PDS5B: variants seen among roughly 807,000 people sequenced by gnomAD.
The protein encoded by PDS5B is PDS5 cohesin associated factor B, also known as sister chromatid cohesion protein PDS5 homolog B.
PDS5B carries 51 observed loss-of-function variants against 184.1 expected under a neutral mutation model. The ratio of observed to expected loss-of-function variants is 0.28; its 90% CI spans 0.22 to 0.35. The LOEUF (loss-of-function observed/expected upper bound fraction) is 0.35, where lower values mean the gene tolerates loss of function less well. Ranked by LOEUF, PDS5B falls within the 10% of genes least tolerant of loss-of-function variation. The pLI is 1.00. For missense variants in PDS5B, 1,180 were observed against 1,723.3 expected, an observed-to-expected ratio of 0.68 and a Z score of 5.58; for synonymous variants, 566 against 569.2, an observed-to-expected ratio of 0.99 and a Z score of 0.08.
At position 32,605,211 on chromosome 13, in the gene PDS5B, C is replaced by T. The variant is rs538075243; in HGVS notation, c.-20+18618C>T. 4.6e-5 allele frequency among the ~76,000 whole-genome samples: 7 copies of T among 152,254 alleles called. No individual in the cohort carries two copies. In the South Asian group the frequency reaches 1.4e-3, roughly 32 times the overall value. ...GCTTTCTCTTTTATAGCATTTAGTG[C>T]TATAAATTTCCCGCTACACCCTGCT... On this transcript the variant is annotated intron_variant, in intron 1 of 34. Coordinates refer to ENST00000315596, the MANE Select transcript of PDS5B (RefSeq NM_015032.4).
intron 19 of PDS5B, among the ~76,000 whole-genome samples, chr13:32,724,615 T>C (rs1183856356): frequency 6.6e-6 from 1 of 152,146 alleles, no homozygotes; most frequent in Non-Finnish European, 1.5e-5. Flanking sequence ...AGGGTCTTGC[T>C]CTGTTGCCCA....
At chr13:32,589,308 A>G (rs920286596) in intron 1 of PDS5B, among the ~76,000 whole-genome samples, 2 of 152,138 alleles carry the variant, frequency 1.3e-5, no homozygotes, top group African/African-American at 4.8e-5. Context: ...ATTTAGCAAT[A>G]TTTATTAATA....
chr13:32,762,741 C>G (rs1001838425), intron 30 of PDS5B, among the ~76,000 whole-genome samples: 22 of 152,164 alleles, frequency 1.4e-4, no homozygotes, highest in Middle Eastern at 3.4e-3. Context: ...TTGTACTTCT[C>G]TTTTTACTGT....
intron 3 of PDS5B, among the ~76,000 whole-genome samples, chr13:32,657,700 A>C (rs570780895): frequency 6.6e-6 from 1 of 152,174 alleles, no homozygotes; most frequent in Admixed American, 6.5e-5. Flanking sequence ...AAAATATGAG[A>C]TGGGAATAGA....
chr13:32,592,476 C>G (rs1416808253), intron 1 of PDS5B, among the ~76,000 whole-genome samples: 1 of 139,216 alleles, frequency 7.2e-6, no homozygotes, highest in Non-Finnish European at 1.7e-5. Context: ...AGGCTGGTCT[C>G]GAACTCCTGG....
rs1249791981 is a variant in PDS5B at position 32,684,093 on chromosome 13, TATATTTAAATATAC to T, written c.1203+84_1203+97del. The T allele has an allele frequency of 4.7e-5, 33 of 704,538 alleles. 1 individual carries two copies. In the South Asian group the frequency reaches 9.9e-4, roughly 21 times the overall value. 43.6% of individuals were successfully genotyped at this position (704,538 alleles called of 1,614,324 possible). On this transcript the variant is annotated intron_variant, in intron 11 of 34. Coordinates refer to ENST00000315596, the MANE Select transcript of PDS5B (RefSeq NM_015032.4). ...CTTGAAGTTTAACAATATTTGAAAA[TATATTTAAATATAC>T]ATATTTAAATATAATTAGCCTTTTT... is the stretch of plus-strand genomic sequence containing the variant.
At chr13:32,635,592 T>C (rs1198517843) in intron 1 of PDS5B, among the ~76,000 whole-genome samples, 2 of 151,504 alleles carry the variant, frequency 1.3e-5, no homozygotes, top group African/African-American at 4.9e-5. Flanking sequence ...TCTGGCCGCC[T>C]CAACCTCCCA....
chr13:32,719,394 G>T (rs143222449), intron 19 of PDS5B, among the ~76,000 whole-genome samples: 10 of 152,024 alleles, frequency 6.6e-5, no homozygotes, highest in Admixed American at 2.6e-4. Context: ...TGTTGCCCAC[G>T]CTGGTCTTGA....
rs1044510721 is a variant in PDS5B, at chr13:32,716,462, C to T, written c.2123+6356C>T. Among the ~76,000 whole-genome samples, 30 of 151,260 alleles carry T rather than the reference C, an allele frequency of 2.0e-4. No individual in the cohort carries two copies. The East Asian group carries it at 4.7e-3, about 24-fold the overall frequency. On this transcript the variant is annotated intron_variant, in intron 19 of 34. Coordinates refer to ENST00000315596, the MANE Select transcript of PDS5B (RefSeq NM_015032.4). ...CTGAGAAGTGAGGAGCCCCTCCGCC[C>T]GGCAGCCGCCCCGTCTGAGAAGTGA...
chr13:32,720,166 G>T (rs1383451946), intron 19 of PDS5B, among the ~76,000 whole-genome samples: 1 of 152,214 alleles, frequency 6.6e-6, no homozygotes, highest in Non-Finnish European at 1.5e-5. Context: ...CTAGCAAAGA[G>T]AATGAACAGG....
In PDS5B at chr13:32,658,648, AAC is replaced by A. The variant is rs1286477737; in HGVS notation, c.497+122_497+123del. The A allele has an allele frequency of 2.5e-5, 14 of 565,162 alleles. No homozygotes were observed. In the Admixed American group the frequency reaches 3.1e-4, roughly 13 times the overall value. The allele number at this position is 565,162 out of a possible 1,614,324, so 35.0% of individuals were successfully genotyped here. A position where few individuals can be genotyped will look rare whatever the true frequency, so the allele number is the denominator to read the frequency against. On this transcript the variant is annotated intron_variant, in intron 5 of 34. Transcript: ENST00000315596. ...TAGAAGGCTGAGAGATGTAACTTTT[AAC>A]ACACTTTATTTTTATACATGTTTCA...
At chr13:32,587,426 G>T (rs1593218873) in intron 1 of PDS5B, among the ~76,000 whole-genome samples, 1 of 152,176 alleles carries the variant, frequency 6.6e-6, no homozygotes, top group South Asian at 2.1e-4. Context: ...ATTGTGACTC[G>T]TTATTGTTTT....
intron 1 of PDS5B, among the ~76,000 whole-genome samples, chr13:32,634,583 C>CTTT (rs34358183): frequency 2.9e-5 from 4 of 138,548 alleles, no homozygotes; most frequent in East Asian, 2.1e-4. Context: ...TTACATTTAA[C>CTTT]TTTTTTTTTT....
intron 1 of PDS5B, among the ~76,000 whole-genome samples, chr13:32,619,155 A>G (rs1296338920): frequency 1.2e-5 from 1 of 80,310 alleles, no homozygotes; most frequent in Non-Finnish European, 2.4e-5. Flanking sequence ...TTTGGTGGTA[A>G]GGTCTTTGAG....
chr13:32,656,770 T>C (rs1950524194), intron 3 of PDS5B, among the ~76,000 whole-genome samples: 1 of 152,190 alleles, frequency 6.6e-6, no homozygotes, highest in African/African-American at 2.4e-5. Flanking sequence ...CTAATTTTCG[T>C]ATTTTTAGTA....
At chr13:32,641,548 A>G (rs984559407) in intron 1 of PDS5B, among the ~76,000 whole-genome samples, 1 of 152,142 alleles carries the variant, frequency 6.6e-6, no homozygotes, top group African/African-American at 2.4e-5. Flanking sequence ...ATATCACTAT[A>G]TATCGTCCCT....
At chr13:32,664,268 CA>C (rs1325581183) in intron 6 of PDS5B, among the ~76,000 whole-genome samples, 8 of 152,036 alleles carry the variant, frequency 5.3e-5, no homozygotes, top group African/African-American at 1.9e-4. Flanking sequence ...GCAGAAAACA[CA>C]AAATGGTGTA....
At chr13:32,641,942 A>G (rs17077704) in intron 1 of PDS5B, among the ~76,000 whole-genome samples, 1,579 of 152,242 alleles carry the variant, frequency 0.01, 39 homozygotes, top group African/African-American at 0.035. Context: ...TTTCTTGTAC[A>G]TTTGCTCATC....
At chr13:32,603,318 A>G (rs898234299) in intron 1 of PDS5B, among the ~76,000 whole-genome samples, 4 of 152,238 alleles carry the variant, frequency 2.6e-5, no homozygotes, top group African/African-American at 9.6e-5. Context: ...CATATGGGCT[A>G]GTCAGTTTTC....
Sources: allele counts gnomAD v4.1 joint callset (sites outside exome capture counted in the v4.1 genomes callset), GRCh38; gene constraint gnomAD v4.1.1; transcripts MANE v1.5; gene names NCBI Gene and HGNC (gene_info 2026-07-23, HGNC 2026-07-21).